CA10: variants seen among roughly 807,000 people sequenced by gnomAD.
CA10 encodes carbonic anhydrase 10 (inactive).
A neutral mutation model predicts 44.2 loss-of-function variants in CA10; 14 were observed. That is an observed-to-expected ratio of 0.32 (90% CI 0.21 to 0.50). The LOEUF is 0.50. CA10 is among the 20% of genes least tolerant of loss of function. CA10 has a pLI of 0.99. For missense variants in CA10, 350 were observed against 409.7 expected, an observed-to-expected ratio of 0.85 and a Z score of 1.26; for synonymous variants, 159 against 141.6, an observed-to-expected ratio of 1.12 and a Z score of -0.87.
At chr17:52,108,225 T>TAA (rs1988711141) in intron 1 of CA10, among the ~76,000 whole-genome samples, 2 of 142,560 alleles carry the variant, frequency 1.4e-5, no homozygotes, top group East Asian at 2.0e-4. Context: ...TATATATATA[T>TAA]AATATGTATA....
intron 2 of CA10, among the ~76,000 whole-genome samples, chr17:51,970,357 A>G (rs184636675): frequency 1.4e-3 from 203 of 140,650 alleles, no homozygotes; most frequent in Admixed American, 3.8e-3. Flanking sequence ...AAAGTCCTCC[A>G]CAAAGTAAAA....
At chr17:51,855,352 C>A (rs1000928862) in intron 3 of CA10, among the ~76,000 whole-genome samples, 4 of 152,202 alleles carry the variant, frequency 2.6e-5, no homozygotes, top group African/African-American at 9.6e-5. Context: ...CTCACAATAG[C>A]AAGATTGTAA....
At chr17:52,111,053 C>G (rs752380435) in intron 1 of CA10, among the ~76,000 whole-genome samples, 1 of 152,160 alleles carries the variant, frequency 6.6e-6, no homozygotes, top group South Asian at 2.1e-4. Flanking sequence ...ATTGCATAGA[C>G]TGTGCAAAGC....
chr17:52,157,584 A>T, intron 1 of CA10, 142 bp downstream of exon 1: 2 of 523,122 alleles, frequency 3.8e-6, no homozygotes, highest in Non-Finnish European at 3.3e-6. Flanking sequence ...AAGATTTTTG[A>T]TTCTGAAGGC....
chr17:51,634,562 T>C (rs1912739437), intron 7 of CA10, among the ~76,000 whole-genome samples: 1 of 152,134 alleles, frequency 6.6e-6, no homozygotes, highest in Non-Finnish European at 1.5e-5. Flanking sequence ...AAGAGGAGTG[T>C]TCATTTCATA....
chr17:51,694,343 C>A (rs1048309167), intron 4 of CA10, among the ~76,000 whole-genome samples: 3 of 152,086 alleles, frequency 2.0e-5, no homozygotes, highest in Non-Finnish European at 4.4e-5. Context: ...TTAATAATAG[C>A]CATTCTGACT....
chr17:51,874,720 G>A (rs1979975614), intron 3 of CA10, among the ~76,000 whole-genome samples: 1 of 152,150 alleles, frequency 6.6e-6, no homozygotes, highest in Admixed American at 6.5e-5. Flanking sequence ...ACCACTGCAA[G>A]ATTATTACAA....
rs1217303271 is a variant in CA10 at position 51,747,705 on chromosome 17, G to T, written c.393C>A (p.Ile131=). 1 of 1,614,172 alleles carries T rather than the reference G, an allele frequency of 6.2e-7. No homozygotes were observed. The highest frequency in any genetic ancestry group is 8.5e-7 in the Non-Finnish European group (1 of 1,180,014). The change falls in exon 4 of 9, where the codon ATC becomes ATA. Residue 131 remains isoleucine, a synonymous_variant. Transcript: ENST00000451037. ...TGTCCTCACTCCCAAAGTGTAGTCG[G>T]ATCTCCTCCAGCCGGTGGCTGTATG... The part of the protein sequence containing the change: ...PMTYSHRLEE[I]RLHFGSEDSQ...
chr17:52,059,672 A>T (rs375690510), intron 2 of CA10, among the ~76,000 whole-genome samples: 3 of 44,464 alleles, frequency 6.7e-5, no homozygotes, highest in Non-Finnish European at 1.1e-4. Flanking sequence ...AAAGTATAAT[A>T]AAAAAAAAAG....
intron 2 of CA10, among the ~76,000 whole-genome samples, chr17:51,942,495 A>G (rs1428966440): frequency 6.7e-6 from 1 of 149,404 alleles, no homozygotes; most frequent in African/African-American, 2.4e-5. Flanking sequence ...AGACTTTTGT[A>G]TAATTACACT....
intron 2 of CA10, among the ~76,000 whole-genome samples, chr17:52,000,443 G>T (rs1432829868): frequency 6.6e-6 from 1 of 152,076 alleles, no homozygotes; most frequent in Non-Finnish European, 1.5e-5. Context: ...TGGATCTGGA[G>T]ACCTCAAGAT....
chr17:51,993,496 A>T (rs906471516), intron 2 of CA10, among the ~76,000 whole-genome samples: 4 of 152,002 alleles, frequency 2.6e-5, no homozygotes, highest in African/African-American at 9.7e-5. Context: ...TGATATAGTT[A>T]TTTATTAGCA....
intron 1 of CA10, among the ~76,000 whole-genome samples, chr17:52,136,478 T>C (rs925892226): frequency 2.0e-5 from 3 of 152,136 alleles, no homozygotes; most frequent in Admixed American, 1.3e-4. Flanking sequence ...AGCAAAACAC[T>C]TGTGTGCTAT....
At chr17:51,793,529 A>G (rs1906600547) in intron 3 of CA10, among the ~76,000 whole-genome samples, 3 of 152,206 alleles carry the variant, frequency 2.0e-5, no homozygotes, top group Non-Finnish European at 4.4e-5. Context: ...CCCCACAGAA[A>G]CCAGGTTTTG....
At chr17:51,843,570 T>C (rs1273016046) in intron 3 of CA10, among the ~76,000 whole-genome samples, 2 of 152,196 alleles carry the variant, frequency 1.3e-5, no homozygotes, top group Admixed American at 1.3e-4. Flanking sequence ...CTCTTGGTTA[T>C]CTGAAATGAT....
intron 3 of CA10, among the ~76,000 whole-genome samples, chr17:51,810,445 T>C (rs893689889): frequency 2.0e-5 from 3 of 151,864 alleles, no homozygotes; most frequent in African/African-American, 7.3e-5. Context: ...GGCCTTAAAG[T>C]ATGAGCAAGT....
chr17:51,884,809 C>T (rs368881042), intron 3 of CA10, among the ~76,000 whole-genome samples: 18 of 152,286 alleles, frequency 1.2e-4, no homozygotes, highest in African/African-American at 3.8e-4. Context: ...TGTGCTGTGC[C>T]TCTGTCCTAG....
At chr17:51,838,937 T>C (rs1978297436) in intron 3 of CA10, among the ~76,000 whole-genome samples, 2 of 152,244 alleles carry the variant, frequency 1.3e-5, no homozygotes, top group African/African-American at 4.8e-5. Flanking sequence ...TTTCATTTTT[T>C]ATTTTCTTTC....
intron 4 of CA10, among the ~76,000 whole-genome samples, chr17:51,717,443 G>A (rs1047756282): frequency 6.0e-5 from 9 of 148,918 alleles, no homozygotes; most frequent in South Asian, 2.1e-4. Flanking sequence ...ACTTGTGCAC[G>A]CATATTTCTA....
Sources: allele counts gnomAD v4.1 joint callset (sites outside exome capture counted in the v4.1 genomes callset), GRCh38; gene constraint gnomAD v4.1.1; transcripts MANE v1.5; gene names NCBI Gene and HGNC (gene_info 2026-07-23, HGNC 2026-07-21).